The following CNTN5 variants were observed in gnomAD, a reference collection of about 807,000 sequenced individuals.
The protein encoded by CNTN5 is contactin 5.
Under a neutral mutation model 129.1 loss-of-function variants are expected in CNTN5, and 77 were observed. That is an observed-to-expected ratio of 0.60 (90% CI 0.50 to 0.72). The LOEUF (loss-of-function observed/expected upper bound fraction) is 0.72. CNTN5 is among the 30% of genes least tolerant of loss of function. The pLI is 0.00. For synonymous variants in CNTN5, 509 were observed against 465.6 expected (o/e 1.09, Z -1.20); for missense variants, 1,478 against 1,328.8 (o/e 1.11, Z -1.75).
At chr11:99,496,718 T>C (rs540358000) in intron 2 of CNTN5, among the ~76,000 whole-genome samples, 2 of 152,342 alleles carry the variant, frequency 1.3e-5, no homozygotes, top group South Asian at 4.1e-4. Context: ...GAGTGAAAGA[T>C]GCATAGCAAT....
chr11:99,376,130 G>A (rs1307997751), intron 2 of CNTN5, among the ~76,000 whole-genome samples: 1 of 152,120 alleles, frequency 6.6e-6, no homozygotes, highest in Non-Finnish European at 1.5e-5. Flanking sequence ...ATTATTGTAC[G>A]ATTATAAAAG....
chr11:99,630,245 T>TAC (rs1340079973), intron 3 of CNTN5, among the ~76,000 whole-genome samples: 1 of 6,260 alleles, frequency 1.6e-4, no homozygotes, highest in African/African-American at 1.7e-4. Flanking sequence ...TGTGTGTATA[T>TAC]ACATATATAT....
intron 3 of CNTN5, among the ~76,000 whole-genome samples, chr11:99,739,835 G>A (rs1375401654): frequency 1.3e-5 from 2 of 152,084 alleles, no homozygotes; most frequent in South Asian, 2.1e-4. Flanking sequence ...TGAGTAAATC[G>A]AACTGAAGCA....
chr11:100,108,967 G>C (rs926221147), intron 13 of CNTN5, among the ~76,000 whole-genome samples: 4 of 151,788 alleles, frequency 2.6e-5, no homozygotes, highest in African/African-American at 7.3e-5. Flanking sequence ...AAATCAGTGG[G>C]GAGAAAAACT....
intron 3 of CNTN5, among the ~76,000 whole-genome samples, chr11:99,631,631 G>C (rs1332354873): frequency 6.6e-6 from 1 of 150,420 alleles, no homozygotes; most frequent in Non-Finnish European, 1.5e-5. Context: ...TATCATGTCA[G>C]TCATTTCAAA....
At chr11:100,003,068 A>C (rs1027818865) in intron 9 of CNTN5, among the ~76,000 whole-genome samples, 4 of 152,226 alleles carry the variant, frequency 2.6e-5, no homozygotes, top group South Asian at 2.1e-4. Flanking sequence ...ATATGACAAA[A>C]AATCAGCTAG....
chr11:100,236,439 C>T (rs962808699), intron 16 of CNTN5, among the ~76,000 whole-genome samples: 3 of 152,282 alleles, frequency 2.0e-5, no homozygotes, highest in African/African-American at 7.2e-5. Context: ...TTTTGACTTG[C>T]AGAGATTTGC....
At chr11:99,788,022 G>T (rs1329236402) in intron 3 of CNTN5, among the ~76,000 whole-genome samples, 1 of 151,872 alleles carries the variant, frequency 6.6e-6, no homozygotes, top group African/African-American at 2.4e-5. Flanking sequence ...AACATGACTT[G>T]ATTAAACTTT....
rs118118812 is a variant in CNTN5, at chr11:99,609,333, G to A, written c.55+53064G>A. On this transcript the variant is annotated intron_variant, in intron 3 of 24. Coordinates refer to ENST00000524871, the MANE Select transcript of CNTN5 (RefSeq NM_014361.4). ...GAGCAAGGATACACAGACCCCAAAA[G>A]ATGAGTGGTAAGCAATTATTCTGAG... is the stretch of plus-strand genomic sequence containing the variant. Among the ~76,000 whole-genome samples, 637 of 152,240 alleles carry A rather than the reference G, an allele frequency of 4.2e-3. 25 individuals carry two copies. The East Asian group carries it at 0.1, about 24-fold the overall frequency.
At position 100,062,209 on chromosome 11, in the gene CNTN5, G is replaced by A. The variant is rs1361396376; in HGVS notation, c.1162+816G>A. ...GCAATAGGCTAGAGCATTGAAATAAGCAAATATAGATGCTTTGAATATATA... is the reference window on the plus strand; with the variant it reads ...GCAATAGGCTAGAGCATTGAAATAAACAAATATAGATGCTTTGAATATATA... On this transcript the variant is annotated intron_variant, in intron 10 of 24. Coordinates refer to ENST00000524871, the MANE Select transcript of CNTN5 (RefSeq NM_014361.4). Among the ~76,000 whole-genome samples the A allele has an allele frequency of 2.0e-5, 3 of 152,124 alleles. No individual in the cohort carries two copies. In the East Asian group the frequency reaches 5.8e-4, roughly 29 times the overall value.
At chr11:99,355,904 G>A (rs1160740468) in intron 2 of CNTN5, among the ~76,000 whole-genome samples, 1 of 148,344 alleles carries the variant, frequency 6.7e-6, no homozygotes, top group Non-Finnish European at 1.5e-5. Context: ...TCGGCTCACT[G>A]CAAGCTCCGC....
intron 2 of CNTN5, among the ~76,000 whole-genome samples, chr11:99,536,834 A>T (rs564136843): frequency 3.5e-5 from 5 of 143,294 alleles, no homozygotes; most frequent in African/African-American, 1.3e-4. Flanking sequence ...ATGTAATTTT[A>T]AATTTTCTAG....
intron 3 of CNTN5, among the ~76,000 whole-genome samples, chr11:99,770,956 T>C (rs1944925340): frequency 6.6e-6 from 1 of 152,030 alleles, no homozygotes; most frequent in Admixed American, 6.6e-5. Flanking sequence ...GCATAAAAAC[T>C]GAACACACAA....
intron 8 of CNTN5, among the ~76,000 whole-genome samples, chr11:99,979,487 A>G (rs1268873115): frequency 6.6e-6 from 1 of 152,176 alleles, no homozygotes; most frequent in Non-Finnish European, 1.5e-5. Context: ...AACATCCCCA[A>G]ACCAAAAAAC....
intron 1 of CNTN5, among the ~76,000 whole-genome samples, chr11:99,187,576 GATGA>G: frequency 6.6e-6 from 1 of 151,782 alleles, no homozygotes; most frequent in Admixed American, 6.6e-5. Context: ...GTATTCTTAT[GATGA>G]ATATCTTGAG....
At chr11:99,277,781 A>G (rs1435058714) in intron 1 of CNTN5, among the ~76,000 whole-genome samples, 1 of 151,696 alleles carries the variant, frequency 6.6e-6, no homozygotes, top group Non-Finnish European at 1.5e-5. Context: ...GACTTAGTGT[A>G]TTTTAAAAAA....
intron 3 of CNTN5, among the ~76,000 whole-genome samples, chr11:99,635,844 T>C (rs1307068989): frequency 6.6e-6 from 1 of 152,166 alleles, no homozygotes; most frequent in Non-Finnish European, 1.5e-5. Flanking sequence ...TTACAGTCAC[T>C]TTATTTATAA....
chr11:99,359,168 C>T (rs1938922981), intron 2 of CNTN5, among the ~76,000 whole-genome samples: 1 of 151,832 alleles, frequency 6.6e-6, no homozygotes, highest in East Asian at 2.0e-4. Flanking sequence ...CAATTGCAGT[C>T]ATTTTCATTG....
intron 13 of CNTN5, among the ~76,000 whole-genome samples, chr11:100,104,729 T>C (rs1266683650): frequency 6.6e-6 from 1 of 152,148 alleles, no homozygotes; most frequent in Non-Finnish European, 1.5e-5. Context: ...GGACATAGTA[T>C]ATATCTGGGT....
Sources: gnomAD v4.1 joint callset for allele counts (sites outside exome capture counted in the v4.1 genomes callset) on GRCh38, gnomAD v4.1.1 for gene constraint, MANE v1.5 for transcripts, NCBI Gene and HGNC (gene_info 2026-07-23, HGNC 2026-07-21) for gene names.